CNOT2: variants seen among roughly 807,000 people sequenced by gnomAD.
CNOT2 encodes CCR4-NOT transcription complex subunit 2, also known as CC chemokine receptor 4-negative regulator of transcription 2.
CNOT2 carries 7 observed loss-of-function variants against 72.1 expected under a neutral mutation model. The observed-to-expected ratio is 0.10, with a 90% CI of 0.06 to 0.18. The LOEUF (loss-of-function observed/expected upper bound fraction) is 0.18. CNOT2 is among the 10% of genes least tolerant of loss of function. The pLI is 1.00. For synonymous variants in CNOT2, 196 were observed against 225.6 expected (o/e 0.87, Z 1.17); for missense variants, 345 against 660.3 (o/e 0.52, Z 5.23).
chr12:70,308,540 T>C (rs1875842205), intron 2 of CNOT2, among the ~76,000 whole-genome samples: 1 of 148,560 alleles, frequency 6.7e-6, no homozygotes, highest in Non-Finnish European at 1.5e-5. Flanking sequence ...AAATTAAGCT[T>C]AAGTTTGGTA....
chr12:70,338,831 T>C lies in CNOT2; in HGVS notation c.1178+9T>C. The stretch of plus-strand genomic sequence containing the variant: ...AATCTGAACTCTCCTGAGTAAGTTT[T>C]TTCTGTTTTTCCATGTCTGTATATA... On this transcript the variant is annotated intron_variant, in intron 11 of 15. Coordinates refer to ENST00000229195, the MANE Select transcript of CNOT2 (RefSeq NM_014515.7). 1 of 1,610,086 alleles carries C rather than the reference T, an allele frequency of 6.2e-7. No individual in the cohort carries two copies. Among genetic ancestry groups the C allele is most frequent in the Non-Finnish European group, 8.5e-7 (1 of 1,178,046 alleles).
intron 2 of CNOT2, among the ~76,000 whole-genome samples, chr12:70,307,395 T>C (rs1396852532): frequency 6.6e-6 from 1 of 152,142 alleles, no homozygotes; most frequent in South Asian, 2.1e-4. Flanking sequence ...TTTTTAGATG[T>C]TTTTGTTTTG....
At chr12:70,311,072 T>G in intron 3 of CNOT2, 55 bp downstream of exon 3, 1 of 1,390,656 alleles carries the variant, frequency 7.2e-7, no homozygotes, top group Non-Finnish European at 1.0e-6. Context: ...GTGTCTGGGT[T>G]CCTGAAAAAC....
chr12:70,348,183 ATTG>A (rs1483646078), intron 15 of CNOT2: 2 of 152,214 alleles, frequency 1.3e-5, no homozygotes, highest in Admixed American at 6.5e-5. Context: ...GTTTACTGCT[ATTG>A]TTTTTATCAT....
intron 3 of CNOT2, 81 bp downstream of exon 3, chr12:70,311,098 G>A: frequency 1.1e-6 from 1 of 947,872 alleles, no homozygotes; most frequent in Non-Finnish European, 1.7e-6. Flanking sequence ...ATCAAGTGCA[G>A]AATACTGTCT....
chr12:70,303,506 G>T (rs552284303), intron 2 of CNOT2, among the ~76,000 whole-genome samples: 2 of 151,906 alleles, frequency 1.3e-5, no homozygotes, highest in Admixed American at 1.3e-4. Flanking sequence ...GAAATTCTGG[G>T]TTGAAAATTC....
intron 7 of CNOT2, chr12:70,335,231 C>T (rs1880514506): frequency 2.3e-6 from 1 of 427,154 alleles, no homozygotes; most frequent in East Asian, 3.8e-5. Context: ...ATGCTGGTTG[C>T]GTATTCCTTT....
chr12:70,305,419 T>G (rs1167966806), intron 2 of CNOT2, among the ~76,000 whole-genome samples: 2 of 152,128 alleles, frequency 1.3e-5, no homozygotes, highest in Non-Finnish European at 2.9e-5. Flanking sequence ...TGGGGATTAT[T>G]ACAGTTCAAG....
rs901859640 is a variant in CNOT2, at chr12:70,302,130, G to A, written c.49-8765G>A. On this transcript the variant is annotated intron_variant, in intron 2 of 15. Coordinates refer to ENST00000229195, the MANE Select transcript of CNOT2 (RefSeq NM_014515.7). ...TCTCTTCTTTATTAATCTTGCTAGCGGTCTATCAATTTTGTTGATCCTTTC... is the reference window on the plus strand; with the variant it reads ...TCTCTTCTTTATTAATCTTGCTAGCAGTCTATCAATTTTGTTGATCCTTTC... Among the ~76,000 whole-genome samples, 101 of 151,880 alleles carry A rather than the reference G, an allele frequency of 6.6e-4. 1 individual carries two copies. Among genetic ancestry groups the A allele is most frequent in the Admixed American group, 5.4e-3 (82 of 15,252 alleles).
chr12:70,337,860 C>A (rs1880908192), intron 9 of CNOT2: 1 of 427,478 alleles, frequency 2.3e-6, no homozygotes, highest in South Asian at 1.7e-5. Context: ...CATTTTTATA[C>A]CTGTGTTGAT....
chr12:70,311,944 CTT>C (rs1226639629), intron 3 of CNOT2, among the ~76,000 whole-genome samples: 1 of 151,920 alleles, frequency 6.6e-6, no homozygotes, highest in African/African-American at 2.4e-5. Context: ...CTTCCTTTGA[CTT>C]TGCAGAATTT....
chr12:70,332,687 A>G, intron 6 of CNOT2, 80 bp from the exon 7 acceptor site: 1 of 1,449,216 alleles, frequency 6.9e-7, no homozygotes, highest in Non-Finnish European at 9.1e-7. Context: ...TATGGAGACC[A>G]AAAATACACA....
intron 2 of CNOT2, among the ~76,000 whole-genome samples, chr12:70,293,461 G>T (rs573058780): frequency 2.5e-4 from 38 of 152,078 alleles, no homozygotes; most frequent in African/African-American, 8.7e-4. Flanking sequence ...GTCTGGCCTG[G>T]ATTTCATATC....
At chr12:70,340,889 CTTTTT>C (rs55884675) in intron 11 of CNOT2, among the ~76,000 whole-genome samples, 23 of 85,658 alleles carry the variant, frequency 2.7e-4, no homozygotes, top group Admixed American at 5.1e-4. Context: ...AACCCCAAAT[CTTTTT>C]TTTTTTTTTT....
chr12:70,273,958 ATTG>A (rs1460781428), intron 1 of CNOT2, among the ~76,000 whole-genome samples: 3 of 152,072 alleles, frequency 2.0e-5, no homozygotes, highest in African/African-American at 4.8e-5. Flanking sequence ...TCAATAGATT[ATTG>A]TTAAGTTGTA....
chr12:70,315,698 G>A (rs764422010), intron 3 of CNOT2, among the ~76,000 whole-genome samples: 1 of 152,080 alleles, frequency 6.6e-6, no homozygotes, highest in Non-Finnish European at 1.5e-5. Flanking sequence ...TTGTTTGACT[G>A]CAGTGTGCAT....
At chr12:70,261,878 A>G (rs1313204850) in intron 1 of CNOT2, among the ~76,000 whole-genome samples, 7 of 151,328 alleles carry the variant, frequency 4.6e-5, no homozygotes, top group African/African-American at 4.9e-5. Context: ...TACTAATGCA[A>G]TCTCTTCACT....
intron 1 of CNOT2, 21 bp from the exon 2 acceptor site, chr12:70,278,111 T>A (rs960741112): frequency 2.9e-6 from 2 of 682,732 alleles, no homozygotes; most frequent in Admixed American, 2.5e-5. Flanking sequence ...TTTTGATGGC[T>A]TTTGGATAAT....
At chr12:70,265,323 C>CTCTTCTCTTCTCTTCTCTTCTCTT (rs762070879) in intron 1 of CNOT2, among the ~76,000 whole-genome samples, 194 of 145,166 alleles carry the variant, frequency 1.3e-3, no homozygotes, top group Middle Eastern at 3.7e-3. Context: ...CTCTTCTCTT[C>CTCTTCTCTTCTCTTCTCTTCTCTT]TCTTTCTTTC....
Sources: gnomAD v4.1 joint callset for allele counts (sites outside exome capture counted in the v4.1 genomes callset) on GRCh38, gnomAD v4.1.1 for gene constraint, MANE v1.5 for transcripts, NCBI Gene and HGNC (gene_info 2026-07-23, HGNC 2026-07-21) for gene names.